The following OTUD3 variants were observed in gnomAD, a reference collection of about 807,000 sequenced individuals.
OTUD3 encodes the protein OTU domain-containing protein 3.
In OTUD3, 24 loss-of-function variants were observed where a neutral mutation model predicts 46.2. That is an observed-to-expected ratio of 0.52 (90% CI 0.38 to 0.73). The LOEUF (loss-of-function observed/expected upper bound fraction) is 0.73, where lower values mean the gene tolerates loss of function less well. Ranked by LOEUF, OTUD3 falls within the 30% of genes least tolerant of loss-of-function variation. The pLI is 0.00. For synonymous variants in OTUD3, 189 were observed against 195.4 expected (o/e 0.97, Z 0.27); for missense variants, 455 against 523.3 (o/e 0.87, Z 1.27).
In OTUD3 at chr1:19,894,454, C is replaced by A; in HGVS notation, c.457C>A (p.His153Asn). The change falls in exon 3 of 8, where the codon CAT becomes AAT. Residue 153 changes from histidine to asparagine, a missense_variant. His to Asn is a moderately conservative substitution (Grantham distance 68). Transcript: ENST00000375120. ...AAATCATCAGTTGAATGTAGTGATT[C>A]ATCAACTTAATGCCCCTTTGTGGCA... is the stretch of plus-strand genomic sequence containing the variant. ...ARNHQLNVVI[H>N]QLNAPLWQIR... 1 of 1,602,452 alleles carries A rather than the reference C, an allele frequency of 6.2e-7. No individual in the cohort carries two copies. Among genetic ancestry groups the A allele is most frequent in the Non-Finnish European group, 8.5e-7 (1 of 1,172,368 alleles).
Position 19,906,483 on chromosome 1 carries a change from C to G in OTUD3, c.887C>G (p.Pro296Arg), listed in dbSNP as rs564519845. The stretch of plus-strand genomic sequence containing the variant: ...GGTCGAGTGCTGAAGCAGTGTGGCC[C>G]TTTGTGGGAGGAGGGTGGCAGTGGT... ...PSGRVLKQCG[P>R]LWEEGGSGAR... is the part of the protein sequence containing the mutation. Residue 296 changes from proline to arginine, a missense_variant, in exon 7 of 8, where the codon CCT becomes CGT. Physicochemically the swap from Pro to Arg is moderately radical, Grantham distance 103. Coordinates refer to ENST00000375120, the MANE Select transcript of OTUD3 (RefSeq NM_015207.2). 9 of 1,614,026 alleles carry G rather than the reference C, an allele frequency of 5.6e-6. No individual in the cohort carries two copies. Among genetic ancestry groups the G allele is most frequent in the African/African-American group, 2.7e-5 (2 of 75,028 alleles).
intron 4 of OTUD3, among the ~76,000 whole-genome samples, chr1:19,900,098 T>C (rs1208791574): frequency 6.6e-6 from 1 of 152,218 alleles, no homozygotes; most frequent in African/African-American, 2.4e-5. Flanking sequence ...ACGATTTTCT[T>C]ATATGCCCTT....
chr1:19,907,540 C>T, intron 7 of OTUD3, 30 bp from the exon 8 acceptor site: 1 of 1,609,052 alleles, frequency 6.2e-7, no homozygotes, highest in Non-Finnish European at 8.5e-7. Flanking sequence ...CCCCGTGCTT[C>T]CTACTCACCA....
chr1:19,898,728 C>CA (rs754569616), intron 4 of OTUD3, among the ~76,000 whole-genome samples: 278 of 113,922 alleles, frequency 2.4e-3, no homozygotes, highest in East Asian at 4.5e-3. Context: ...AACTCCATCT[C>CA]AAAAAAAAAA....
intron 4 of OTUD3, among the ~76,000 whole-genome samples, 192 bp from the exon 5 acceptor site, chr1:19,904,074 AT>A (rs1006773624): frequency 6.6e-6 from 1 of 152,116 alleles, no homozygotes; most frequent in African/African-American, 2.4e-5. Context: ...TTTCTTTTCA[AT>A]TCCTCTGTTG....
rs1334931620 is a variant in OTUD3, at chr1:19,897,587, T to C, written c.531T>C (p.Tyr177=). 3.7e-6 allele frequency: 6 copies of C among 1,613,980 alleles called. No homozygotes were observed. In the South Asian group the frequency reaches 6.6e-5, roughly 18 times the overall value. Residue 177 remains tyrosine, a synonymous_variant, in exon 4 of 8, where the codon TAT becomes TAC. Coordinates refer to ENST00000375120, the MANE Select transcript of OTUD3 (RefSeq NM_015207.2). Reference sequence around the variant, plus strand: ...GCGTGAGGGAGTTACACATCGCATATCGGTATGGAGAGCACTACGACAGTG... The same window carrying C: ...GCGTGAGGGAGTTACACATCGCATACCGGTATGGAGAGCACTACGACAGTG... The part of the protein sequence containing the change: ...KSSVRELHIA[Y]RYGEHYDSVR...
chr1:19,904,048 T>C (rs2045624873), intron 4 of OTUD3, among the ~76,000 whole-genome samples: 2 of 152,228 alleles, frequency 1.3e-5, no homozygotes, highest in African/African-American at 4.8e-5. Context: ...TGAGCAGTTA[T>C]TCTGTCTTTT....
At chr1:19,894,134 CATTT>C (rs2045486378) in intron 2 of OTUD3, among the ~76,000 whole-genome samples, 1 of 152,204 alleles carries the variant, frequency 6.6e-6, no homozygotes. Context: ...AATCAGTAAA[CATTT>C]ATTGCAGAAG....
rs144360656 is a variant in OTUD3, at chr1:19,909,427, C to T, written c.*1681C>T. 153 of 152,386 alleles carry T rather than the reference C, an allele frequency of 1.0e-3. No homozygotes were observed. The highest frequency in any genetic ancestry group is 3.6e-3 in the African/African-American group (149 of 41,538). 9.4% of individuals were successfully genotyped at this position (152,386 alleles called of 1,614,324 possible). A position where few individuals can be genotyped will look rare whatever the true frequency, so the allele number is the denominator to read the frequency against. ...GTACACAGCATTTTTTTTCTGTGCA[C>T]GTCGCAGAGTCCTGAGCTTGAGGCT... On this transcript the variant is annotated 3_prime_UTR_variant, in exon 8 of 8. Coordinates refer to ENST00000375120, the MANE Select transcript of OTUD3 (RefSeq NM_015207.2).
In OTUD3 at chr1:19,901,002, C is replaced by G. The variant is rs768127250; in HGVS notation, c.607-3265C>G. 4.9e-4 allele frequency among the ~76,000 whole-genome samples: 74 copies of G among 150,326 alleles called. 1 individual carries two copies. The highest frequency in any genetic ancestry group is 9.2e-4 in the Non-Finnish European group (62 of 67,596). The stretch of plus-strand genomic sequence containing the variant: ...GTGCAGTGGTGCAACCTCTGCCTCC[C>G]GGGTTCAAGCGATTCTCCTGCCTCA... On this transcript the variant is annotated intron_variant, in intron 4 of 7. Transcript: ENST00000375120.
intron 4 of OTUD3, among the ~76,000 whole-genome samples, chr1:19,900,502 T>A (rs1186759672): frequency 1.3e-5 from 2 of 150,542 alleles, no homozygotes; most frequent in Non-Finnish European, 3.0e-5. Flanking sequence ...TAGTTTGACT[T>A]AAAAAAAAAA....
intron 4 of OTUD3, among the ~76,000 whole-genome samples, chr1:19,898,919 T>C (rs2100294171): frequency 6.6e-6 from 1 of 152,246 alleles, no homozygotes; most frequent in African/African-American, 2.4e-5. Context: ...CCAGCGATCT[T>C]CCCACCTTGG....
At chr1:19,887,015 A>C (rs1237942226) in intron 1 of OTUD3, among the ~76,000 whole-genome samples, 1 of 152,200 alleles carries the variant, frequency 6.6e-6, no homozygotes, top group Non-Finnish European at 1.5e-5. Flanking sequence ...TATTGTATCT[A>C]AAATACTATT....
In OTUD3 at chr1:19,890,551, C is replaced by T. The variant is rs2045432582; in HGVS notation, c.370+18C>T. 6.2e-7 allele frequency: 1 copy of T among 1,611,364 alleles called. No individual in the cohort carries two copies. The highest frequency in any genetic ancestry group is 8.5e-7 in the Non-Finnish European group (1 of 1,177,772). On this transcript the variant is annotated intron_variant, in intron 2 of 7. Coordinates refer to ENST00000375120, the MANE Select transcript of OTUD3 (RefSeq NM_015207.2). ...GAAGCATGGTAGGTTCACTGTGGGA[C>T]ATTGTGTCCTTCAGGAGTAATGCAT...
chr1:19,901,675 T>A (rs1300041733), intron 4 of OTUD3, among the ~76,000 whole-genome samples: 1 of 152,208 alleles, frequency 6.6e-6, no homozygotes, highest in Non-Finnish European at 1.5e-5. Flanking sequence ...AAGCAGTGAC[T>A]CCCAATTCCC....
intron 4 of OTUD3, 26 bp from the exon 5 acceptor site, chr1:19,904,241 C>T: frequency 6.4e-7 from 1 of 1,557,340 alleles, no homozygotes; most frequent in South Asian, 1.2e-5. Context: ...CAACATAGTT[C>T]CCTGATTATT....
At chr1:19,883,197 C>G (rs376418028) in intron 1 of OTUD3, among the ~76,000 whole-genome samples, 1 of 152,152 alleles carries the variant, frequency 6.6e-6, no homozygotes, top group Admixed American at 6.5e-5. Flanking sequence ...GGGTGGTGCC[C>G]CCATTTACAT....
intron 7 of OTUD3, 181 bp downstream of exon 7, chr1:19,906,797 T>A (rs556462087): frequency 4.7e-5 from 26 of 556,456 alleles, no homozygotes; most frequent in Non-Finnish European, 7.8e-5. Context: ...CTGTTTGGTG[T>A]ATGCCGTGAC....
At chr1:19,897,403 C>T in intron 3 of OTUD3, 137 bp from the exon 4 acceptor site, 1 of 698,260 alleles carries the variant, frequency 1.4e-6, no homozygotes, top group Non-Finnish European at 2.3e-6. Context: ...TTGCTTGTGA[C>T]ATATCCCAGG....
Sources: gnomAD v4.1 joint callset for allele counts (sites outside exome capture counted in the v4.1 genomes callset) on GRCh38, gnomAD v4.1.1 for gene constraint, MANE v1.5 for transcripts, NCBI Gene and HGNC (gene_info 2026-07-23, HGNC 2026-07-21) for gene names.